ITGA10: variants seen among roughly 807,000 people sequenced by gnomAD.
ITGA10 encodes integrin subunit alpha 10.
A neutral mutation model predicts 145.2 loss-of-function variants in ITGA10; 105 were observed. That is an observed-to-expected ratio of 0.72 (90% confidence interval 0.62 to 0.85). ITGA10 has a LOEUF of 0.85. Among genes scored for constraint, ITGA10 ranks in the 40% least tolerant of loss-of-function variants. The probability of loss-of-function intolerance (pLI) is 0.00; values close to 1 mark genes in which losing one functional copy is unlikely to be tolerated. For synonymous variants in ITGA10, 506 were observed against 557.8 expected (o/e 0.91, Z 1.31); for missense variants, 1,317 against 1,444.5 (o/e 0.91, Z 1.43).
Position 145,909,962 on chromosome 1 carries a change from C to T in ITGA10, c.52+1G>A. 3 of 1,612,996 alleles carry T rather than the reference C, an allele frequency of 1.9e-6. No individual in the cohort carries two copies. The highest frequency in any genetic ancestry group is 2.5e-6 in the Non-Finnish European group (3 of 1,179,192). ...GAAACCAAGAAGTTAACTTCCCTCA[C>T]CTGTCAGGAACACCAGGGGCAAGAA... On this transcript the variant is annotated splice_donor_variant, in intron 1 of 29. Transcript: ENST00000369304. LOFTEE classifies it high-confidence loss of function.
At position 145,892,559 on chromosome 1, in the gene ITGA10, G is replaced by A; in HGVS notation, c.*239C>T. ...GTTGGCTATGGAACCAGGATCACGA[G>A]GAGGAGGGAAGCAGAGGGTGGGAGC... On this transcript the variant is annotated 3_prime_UTR_variant, in exon 30 of 30. Transcript: ENST00000369304. 1 of 423,130 alleles carries A rather than the reference G, an allele frequency of 2.4e-6. No homozygotes were observed. Among genetic ancestry groups the A allele is most frequent in the Non-Finnish European group, 4.2e-6 (1 of 238,430 alleles). The allele number at this position is 423,130 out of a possible 1,614,324, so 26.2% of individuals were successfully genotyped here. A position where few individuals can be genotyped will look rare whatever the true frequency, so the allele number is the denominator to read the frequency against.
In ITGA10 at chr1:145,901,669, A is replaced by G. The variant is rs1553748652; in HGVS notation, c.1295-5T>C. The stretch of plus-strand genomic sequence containing the variant: ...GCATGGAAGAAACAGAGTAACCTAG[A>G]AGTGGGCAAAGTAACAGAGGTAAAG... On this transcript the variant is annotated splice_region_variant and splice_polypyrimidine_tract_variant and intron_variant, in intron 11 of 29. Coordinates refer to ENST00000369304, the MANE Select transcript of ITGA10 (RefSeq NM_003637.5). The surrounding 1 kb of genome is among the most constrained non-coding windows in gnomAD (Gnocchi z 4.3). 2 of 1,554,956 alleles carry G rather than the reference A, an allele frequency of 1.3e-6. No homozygotes were observed. Among genetic ancestry groups the G allele is most frequent in the Admixed American group, 4.0e-5 (2 of 50,286 alleles).
chr1:145,906,874 G>T (rs1233797911), intron 3 of ITGA10, 50 bp from the exon 4 acceptor site: 2 of 1,364,978 alleles, frequency 1.5e-6, no homozygotes, highest in Admixed American at 1.8e-5. Flanking sequence ...CATAGATGGG[G>T]TGCTTGAATT....
At chr1:145,905,891 G>A (rs1480348560) in intron 5 of ITGA10, 1 of 154,620 alleles carries the variant, frequency 6.5e-6, no homozygotes, top group South Asian at 2.0e-4. Context: ...GCCAGATCAT[G>A]GACTCCTGAT....
In ITGA10 at chr1:145,904,720, C is replaced by T. The variant is rs782499013; in HGVS notation, c.573G>A (p.Leu191=). The T allele has an allele frequency of 6.2e-7, 1 of 1,613,898 alleles. No homozygotes were observed. Among genetic ancestry groups the T allele is most frequent in the South Asian group, 1.1e-5 (1 of 91,076 alleles). The change falls in exon 6 of 30, where the codon CTG becomes CTA. Residue 191 remains leucine (L), a synonymous_variant. Coordinates refer to ENST00000369304, the MANE Select transcript of ITGA10 (RefSeq NM_003637.5). Reference sequence around the variant, plus strand: ...CTGGGTCAATAAACAGTTTCCCTACCAGTCTTCGTAGGAAGGTCTGAACTT... The same window carrying T: ...CTGGGTCAATAAACAGTTTCCCTACTAGTCTTCGTAGGAAGGTCTGAACTT... ...WSEVQTFLRR[L]VGKLFIDPEQ...
In ITGA10 at chr1:145,892,440, G is replaced by A. The variant is rs1444756986; in HGVS notation, c.*358C>T. ...ACCCTCATCCTTTCCAAACTGTGAG[G>A]GAAGATAAAGAGGGAATCTGAAAGG... On this transcript the variant is annotated 3_prime_UTR_variant, in exon 30 of 30. Coordinates refer to ENST00000369304, the MANE Select transcript of ITGA10 (RefSeq NM_003637.5). The A allele has an allele frequency of 4.9e-6, 1 of 204,220 alleles. No homozygotes were observed. The highest frequency in any genetic ancestry group is 9.9e-6 in the Non-Finnish European group (1 of 101,414). The allele number at this position is 204,220 out of a possible 1,614,324, so 12.7% of individuals were successfully genotyped here.
chr1:145,904,018 C>T, intron 7 of ITGA10, 34 bp downstream of exon 7: 1 of 1,612,420 alleles, frequency 6.2e-7, no homozygotes, highest in East Asian at 2.2e-5. Context: ...CTTCATTGCT[C>T]TAGCCTCCCA....
At chr1:145,894,046 G>T (rs1018634868) in intron 27 of ITGA10, among the ~76,000 whole-genome samples, 2 of 149,322 alleles carry the variant, frequency 1.3e-5, no homozygotes, top group Non-Finnish European at 3.0e-5. Flanking sequence ...TAGGTTAAAG[G>T]CTGTGCCTTA....
Position 145,906,811 on chromosome 1 carries a change from C to T in ITGA10, c.288G>A (p.Leu96=), listed in dbSNP as rs1553751284. 2 of 1,613,168 alleles carry T rather than the reference C, an allele frequency of 1.2e-6. No individual in the cohort carries two copies. The highest frequency in any genetic ancestry group is 1.7e-6 in the Non-Finnish European group (2 of 1,179,288). Residue 96 remains leucine (L), a synonymous_variant, in exon 4 of 30, where the codon CTG becomes CTA. Coordinates refer to ENST00000369304, the MANE Select transcript of ITGA10 (RefSeq NM_003637.5). ...TCACAGCAGGATGAGATGAATTTCC[C>T]AGTTGGTAGTCACCTGGTTGGAAGG... ...CAKGHLGDYQ[L]GNSSHPAVNM... is the part of the protein sequence containing the mutation.
chr1:145,905,288 T>G (rs1474487179), intron 5 of ITGA10, among the ~76,000 whole-genome samples: 1 of 151,968 alleles, frequency 6.6e-6, no homozygotes, highest in Non-Finnish European at 1.5e-5. Flanking sequence ...GAGAACATTT[T>G]TTTTTTTTTG....
Position 145,902,486 on chromosome 1 carries a change from T to A in ITGA10, c.1043A>T (p.Asp348Val). ...TDEAALTDIV[D>V]ALGDRIFGLE... ...GCCAAAAATCCGATCTCCTAGTGCA[T>A]CCACAATGTCAGTCAGAGCAGCCTC... The change falls in exon 9 of 30, where the codon GAT (aspartate) becomes GTT (valine). Residue 348 changes from aspartate to valine, a missense_variant. By Grantham distance (152) the Asp-to-Val change is radical (BLOSUM62 -3). Transcript: ENST00000369304. 6.2e-7 allele frequency: 1 copy of A among 1,612,972 alleles called. No homozygotes were observed. Among genetic ancestry groups the A allele is most frequent in the Non-Finnish European group, 8.5e-7 (1 of 1,179,478 alleles).
rs1657158240 is a variant in ITGA10 at position 145,906,494 on chromosome 1, G to C, written c.381C>G (p.Leu127=). 6.2e-7 allele frequency: 1 copy of C among 1,614,002 alleles called. No homozygotes were observed. Among genetic ancestry groups the C allele is most frequent in the Non-Finnish European group, 8.5e-7 (1 of 1,179,990 alleles). The change falls in exon 5 of 30, where the codon CTC becomes CTG. Residue 127 remains leucine (L), a synonymous_variant. Coordinates refer to ENST00000369304, the MANE Select transcript of ITGA10 (RefSeq NM_003637.5). ...CAGAGCTGCCACAAGCACGAGACCA[G>C]AGAGGGGCACAGGCCTGGGGATGGG... The part of the protein sequence containing the change: ...GDGGFMACAP[L]WSRACGSSVF...
intron 7 of ITGA10, 53 bp downstream of exon 7, chr1:145,903,999 C>T (rs1455298055): frequency 6.2e-7 from 1 of 1,608,202 alleles, no homozygotes; most frequent in Non-Finnish European, 8.5e-7. Flanking sequence ...CGCCCTAACT[C>T]TTCTAAGCCT....
At chr1:145,909,547 ATATAT>A (rs1469614434) in intron 1 of ITGA10, among the ~76,000 whole-genome samples, 26 of 134,224 alleles carry the variant, frequency 1.9e-4, no homozygotes, top group East Asian at 6.0e-4. Context: ...TAATTATGTT[ATATAT>A]TATATGTATA....
chr1:145,903,954 C>T (rs1656735013), intron 7 of ITGA10, 98 bp downstream of exon 7: 3 of 1,405,778 alleles, frequency 2.1e-6, no homozygotes, highest in Admixed American at 1.8e-5. Context: ...TCCCAAAGTG[C>T]TGGGATTACA....
intron 15 of ITGA10, 69 bp downstream of exon 15, chr1:145,899,988 G>A (rs1656013070): frequency 1.3e-6 from 2 of 1,482,698 alleles, no homozygotes; most frequent in African/African-American, 2.8e-5. Flanking sequence ...CTCCATCTGT[G>A]ACTTTAAGGC....
chr1:145,897,330 G>T lies in ITGA10; in HGVS notation c.2584C>A (p.Pro862Thr), dbSNP rs782811734. ...GGGGCGGCACATTCCACCTTTATTG[G>T]GCTCTCTCTCTGAGGGCAGGGGAAT... Reference protein sequence around the residue: ...LASLTPQRESPIKVECAAPSA... With the variant: ...LASLTPQRESTIKVECAAPSA... The change falls in exon 21 of 30, where the codon CCA (proline) becomes ACA (threonine). Residue 862 changes from proline to threonine, a missense_variant. Transcript: ENST00000369304. 2 of 1,613,962 alleles carry T rather than the reference G, an allele frequency of 1.2e-6. No homozygotes were observed.
In ITGA10 at chr1:145,904,829, A is replaced by C; in HGVS notation, c.482-18T>G. 6.2e-7 allele frequency: 1 copy of C among 1,612,550 alleles called. No homozygotes were observed. Among genetic ancestry groups the C allele is most frequent in the South Asian group, 1.1e-5 (1 of 91,010 alleles). ...TGGGCAGCCTAGAAGGAAGGAGAACACTGAGGTAGAGGACACTGAGCTGGG... is the reference window on the plus strand; with the variant it reads ...TGGGCAGCCTAGAAGGAAGGAGAACCCTGAGGTAGAGGACACTGAGCTGGG... On this transcript the variant is annotated intron_variant, in intron 5 of 29. Coordinates refer to ENST00000369304, the MANE Select transcript of ITGA10 (RefSeq NM_003637.5).
At chr1:145,903,334 T>C (rs1372845521) in intron 7 of ITGA10, among the ~76,000 whole-genome samples, 1 of 152,182 alleles carries the variant, frequency 6.6e-6, no homozygotes, top group African/African-American at 2.4e-5. Flanking sequence ...TGAGTTGTTT[T>C]GTTTTGTTTC....
Sources: allele counts gnomAD v4.1 joint callset (sites outside exome capture counted in the v4.1 genomes callset), GRCh38; gene constraint gnomAD v4.1.1; non-coding constraint Gnocchi (gnomAD v3.1); transcripts MANE v1.5; gene names NCBI Gene and HGNC (gene_info 2026-07-23, HGNC 2026-07-21).